Variants in ENOX2 observed in about 807,000 individuals in gnomAD.
ENOX2 encodes ecto-NOX disulfide-thiol exchanger 2, also known as APK1 antigen.
Under a neutral mutation model 45.0 loss-of-function variants are expected in ENOX2, and 36 were observed. The ratio of observed to expected loss-of-function variants is 0.80; its 90% CI spans 0.61 to 1.06. The LOEUF is 1.06. ENOX2 is among the 50% of genes least tolerant of loss of function. The probability of loss-of-function intolerance (pLI) is 0.00; values close to 1 mark genes in which losing one functional copy is unlikely to be tolerated. For synonymous variants in ENOX2, 174 were observed against 152.3 expected, an observed-to-expected ratio of 1.14 and a Z score of -1.05; for missense variants, 423 against 462.5, an observed-to-expected ratio of 0.91 and a Z score of 0.78.
chrX:130,648,028 T>A (rs1212385508), intron 10 of ENOX2, among the ~76,000 whole-genome samples: 3 of 111,636 alleles, frequency 2.7e-5, no homozygotes, highest in African/African-American at 6.5e-5. Flanking sequence ...AAAATAAAAA[T>A]AAAAAAATGG....
At chrX:130,779,157 T>A (rs1003063832) in intron 3 of ENOX2, among the ~76,000 whole-genome samples, 2 of 112,535 alleles carry the variant, frequency 1.8e-5, no homozygotes, top group Admixed American at 9.4e-5. Context: ...GGTTTAACAA[T>A]CTTCTACTCT....
chrX:130,775,210 G>A (rs187582905), intron 3 of ENOX2, among the ~76,000 whole-genome samples: 79 of 110,282 alleles, frequency 7.2e-4, no homozygotes, highest in African/African-American at 2.5e-3. Flanking sequence ...GCGAAACCCC[G>A]TCTCTACAAA....
intron 14 of ENOX2, among the ~76,000 whole-genome samples, chrX:130,627,155 A>G (rs1158616795): frequency 9.0e-6 from 1 of 111,356 alleles, no homozygotes; most frequent in African/African-American, 3.3e-5. Flanking sequence ...TCATTGCTCC[A>G]TCTTTTTTTT....
At chrX:130,694,879 G>A (rs920468224) in intron 4 of ENOX2, among the ~76,000 whole-genome samples, 4 of 111,267 alleles carry the variant, frequency 3.6e-5, no homozygotes, top group Admixed American at 9.6e-5. Flanking sequence ...TACCTTTGTG[G>A]TAGGGGAGAG....
chrX:130,668,615 AT>A (rs2036899732), intron 7 of ENOX2, among the ~76,000 whole-genome samples: 1 of 111,549 alleles, frequency 9.0e-6, no homozygotes, highest in African/African-American at 3.3e-5. Context: ...GGGAGAGTAC[AT>A]TTGGATCTAT....
intron 2 of ENOX2, among the ~76,000 whole-genome samples, chrX:130,790,254 C>A (rs2077023745): frequency 8.9e-6 from 1 of 112,014 alleles, no homozygotes; most frequent in African/African-American, 3.2e-5. Context: ...CTTTCAGAGC[C>A]TAATTTATCT....
At chrX:130,655,832 C>T (rs751388798) in intron 10 of ENOX2, among the ~76,000 whole-genome samples, 15 of 111,907 alleles carry the variant, frequency 1.3e-4, no homozygotes, top group African/African-American at 3.9e-4. Context: ...GATGGGGTTT[C>T]GCCATTTTGG....
At chrX:130,679,307 C>T (rs1330092112) in intron 6 of ENOX2, among the ~76,000 whole-genome samples, 6 of 111,040 alleles carry the variant, frequency 5.4e-5, no homozygotes, top group African/African-American at 2.0e-4. Context: ...GAAGGACAGC[C>T]CACAGTCAAG....
At chrX:130,856,224 C>G (rs1472864590) in intron 2 of ENOX2, among the ~76,000 whole-genome samples, 1 of 112,329 alleles carries the variant, frequency 8.9e-6, no homozygotes, top group Non-Finnish European at 1.9e-5. Flanking sequence ...CATTTTTGAT[C>G]AAGAAAGTCA....
chrX:130,709,908 C>T (rs1233942016), intron 3 of ENOX2, among the ~76,000 whole-genome samples: 1 of 109,815 alleles, frequency 9.1e-6, no homozygotes, highest in African/African-American at 3.3e-5. Context: ...AATGCTATCC[C>T]TCTCCTAGCC....
intron 3 of ENOX2, among the ~76,000 whole-genome samples, chrX:130,766,049 T>C (rs2039608125): frequency 9.0e-6 from 1 of 111,681 alleles, no homozygotes; most frequent in African/African-American, 3.2e-5. Flanking sequence ...ATCAATTATT[T>C]ATATGCAATA....
In ENOX2 at chrX:130,670,023, T is replaced by C; in HGVS notation, c.636A>G (p.Pro212=). The change falls in exon 7 of 15, where the codon CCA becomes CCG. Residue 212 remains proline (P), a synonymous_variant. Transcript: ENST00000394363. ...GATCTGAATAGTGGACCACTGGGGG[T>C]GGAGATGGTGGACGCAATCTTTCTT... ...MEEERLRPPS[P]PPVVHYSDHE... is the part of the protein sequence containing the mutation. 3.3e-6 allele frequency: 4 copies of C among 1,210,533 alleles called. No homozygotes were observed. Among genetic ancestry groups the C allele is most frequent in the Non-Finnish European group, 4.5e-6 (4 of 894,575 alleles).
intron 2 of ENOX2, among the ~76,000 whole-genome samples, chrX:130,874,809 G>A (rs1305316136): frequency 2.7e-5 from 3 of 110,946 alleles, no homozygotes; most frequent in Non-Finnish European, 5.7e-5. Context: ...CATACACACA[G>A]CCACTCCCCG....
intron 2 of ENOX2, among the ~76,000 whole-genome samples, chrX:130,816,469 T>G (rs1251411976): frequency 1.8e-5 from 2 of 111,917 alleles, no homozygotes; most frequent in African/African-American, 6.5e-5. Flanking sequence ...ATATACATTC[T>G]TCTCAGCACC....
intron 3 of ENOX2, among the ~76,000 whole-genome samples, chrX:130,752,076 T>G (rs1371230226): frequency 9.0e-6 from 1 of 111,678 alleles, no homozygotes; most frequent in Non-Finnish European, 1.9e-5. Context: ...TCTGACTACT[T>G]CTCTGTTGGT....
chrX:130,730,788 G>A (rs1011206401), intron 3 of ENOX2, among the ~76,000 whole-genome samples: 1 of 111,206 alleles, frequency 9.0e-6, no homozygotes. Flanking sequence ...GGGCTTCCAG[G>A]TCACAGGTAG....
At position 130,686,333 on chromosome X, in the gene ENOX2, T is replaced by C. The variant is rs1348254034; in HGVS notation, c.253+2530A>G. On this transcript the variant is annotated intron_variant, in intron 5 of 14. Coordinates refer to ENST00000394363, the MANE Select transcript of ENOX2 (RefSeq NM_006375.4). ...ACCGTGAGATATGGTTGTTTAAAAGTCAGGAGCACCTCATCCCCACTCTCT... is the reference window on the plus strand; with the variant it reads ...ACCGTGAGATATGGTTGTTTAAAAGCCAGGAGCACCTCATCCCCACTCTCT... Among the ~76,000 whole-genome samples the C allele has an allele frequency of 3.6e-5, 4 of 110,571 alleles. No individual in the cohort carries two copies. The East Asian group carries it at 1.1e-3, about 32-fold the overall frequency.
rs181878414 is a variant in ENOX2 at position 130,658,578 on chromosome X, T to A, written c.1015-1883A>T. Reference sequence around the variant, plus strand: ...GGATATGTGTGAAAAAAGTACATCATATTAAAACAGCAGAAAGCTAAAGAT... The same window carrying A: ...GGATATGTGTGAAAAAAGTACATCAAATTAAAACAGCAGAAAGCTAAAGAT... On this transcript the variant is annotated intron_variant, in intron 9 of 14. Coordinates refer to ENST00000394363, the MANE Select transcript of ENOX2 (RefSeq NM_006375.4). 2.7e-5 allele frequency among the ~76,000 whole-genome samples: 3 copies of A among 111,836 alleles called. No homozygotes were observed. The East Asian group carries it at 8.4e-4, about 31-fold the overall frequency.
At chrX:130,891,601 A>G (rs1160597194) in intron 2 of ENOX2, among the ~76,000 whole-genome samples, 1 of 103,634 alleles carries the variant, frequency 9.6e-6, no homozygotes, top group Non-Finnish European at 2.0e-5. Context: ...CCTCGGCTCA[A>G]GTAATCCTCC....
Sources: gnomAD v4.1 joint callset for allele counts (sites outside exome capture counted in the v4.1 genomes callset) on GRCh38, gnomAD v4.1.1 for gene constraint, MANE v1.5 for transcripts, NCBI Gene and HGNC (gene_info 2026-07-23, HGNC 2026-07-21) for gene names.